The following PACS1 variants were observed in gnomAD, a reference collection of about 807,000 sequenced individuals.
PACS1 encodes the protein phosphofurin acidic cluster sorting protein 1, also known as PACS-1.
A neutral mutation model predicts 115.0 loss-of-function variants in PACS1; 24 were observed. The observed-to-expected ratio is 0.21, with a 90% CI of 0.15 to 0.29. The LOEUF (loss-of-function observed/expected upper bound fraction) is 0.29. PACS1 is among the 10% of genes least tolerant of loss of function. The pLI, the probability that PACS1 is intolerant of heterozygous loss-of-function variation, is 1.00. For missense variants in PACS1, 838 were observed against 1,251.2 expected (o/e 0.67, Z 4.98); for synonymous variants, 453 against 504.5 (o/e 0.90, Z 1.37).
chr11:66,118,959 A>G (rs1590756848), intron 1 of PACS1, among the ~76,000 whole-genome samples: 1 of 152,290 alleles, frequency 6.6e-6, no homozygotes, highest in African/African-American at 2.4e-5. Context: ...ATCAACCACA[A>G]CATGTTATAG....
At chr11:66,184,822 C>T (rs1203489574) in intron 1 of PACS1, among the ~76,000 whole-genome samples, 1 of 152,140 alleles carries the variant, frequency 6.6e-6, no homozygotes, top group African/African-American at 2.4e-5. Context: ...TTTTTCAGCT[C>T]CTAGCACAGA....
rs779975063 is a variant in PACS1 at position 66,234,264 on chromosome 11, C to G, written c.2104+22C>G. ...TCAGGTAATGGCCCCGTGTAAGGAG[C>G]TTACTCCCACCCCCGGGGTCCACAG... On this transcript the variant is annotated intron_variant, in intron 17 of 23. Transcript: ENST00000320580. The G allele has an allele frequency of 5.2e-6, 8 of 1,531,718 alleles. No individual in the cohort carries two copies. The African/African-American group carries it at 6.8e-5, about 13-fold the overall frequency. The allele number at this position is 1,531,718 out of a possible 1,614,324, so 94.9% of individuals were successfully genotyped here.
intron 13 of PACS1, chr11:66,231,888 C>T (rs1370788998): frequency 6.1e-6 from 2 of 327,864 alleles, no homozygotes; most frequent in Non-Finnish European, 1.1e-5. Flanking sequence ...TTCCCATCCG[C>T]GAGGCTTGCT....
intron 1 of PACS1, among the ~76,000 whole-genome samples, chr11:66,086,070 A>G (rs7115081): frequency 0.21 from 31,654 of 151,884 alleles, 3,411 homozygotes; most frequent in Middle Eastern, 0.3. Context: ...TCCCTTATTT[A>G]CATAGTGGTT....
chr11:66,224,008 G>A (rs1470517733), intron 10 of PACS1, among the ~76,000 whole-genome samples: 2 of 152,046 alleles, frequency 1.3e-5, no homozygotes, highest in Non-Finnish European at 2.9e-5. Context: ...GACCAGCCTG[G>A]CCAACATGGC....
intron 1 of PACS1, among the ~76,000 whole-genome samples, chr11:66,178,465 A>T (rs963791506): frequency 6.6e-6 from 1 of 152,228 alleles, no homozygotes; most frequent in Non-Finnish European, 1.5e-5. Flanking sequence ...CATTCACAGT[A>T]TTAAGCAGTT....
At position 66,230,351 on chromosome 11, in the gene PACS1, G is replaced by A. The variant is rs1202558324; in HGVS notation, c.1375-197G>A. On this transcript the variant is annotated intron_variant, in intron 11 of 23. Coordinates refer to ENST00000320580, the MANE Select transcript of PACS1 (RefSeq NM_018026.4). ...GGATTGCAGCATATGGTGCCCACAC[G>A]GGGTGTACTCAGTCACCCGTGAACA... 5.3e-5 allele frequency: 31 copies of A among 583,540 alleles called. No individual in the cohort carries two copies. The East Asian group carries it at 6.3e-4, about 12-fold the overall frequency. 36.1% of individuals were successfully genotyped at this position (583,540 alleles called of 1,614,324 possible).
chr11:66,235,419 AG>A lies in PACS1; in HGVS notation c.2207+20del. 1 of 1,584,162 alleles carries A rather than the reference AG, an allele frequency of 6.3e-7. No individual in the cohort carries two copies. The highest frequency in any genetic ancestry group is 8.7e-7 in the Non-Finnish European group (1 of 1,153,194). On this transcript the variant is annotated intron_variant, in intron 18 of 23. Transcript: ENST00000320580. The surrounding 1 kb of genome is among the most constrained non-coding windows in gnomAD (Gnocchi z 5.6). ...GGCATAAGTTGTAAGTTTGACTTTG[AG>A]GGGTTTCTTAAAAATAGGTTGGGTG...
At position 66,070,665 on chromosome 11, in the gene PACS1, C is replaced by A. The variant is rs776033244; in HGVS notation, c.179C>A (p.Thr60Asn). The A allele has an allele frequency of 6.4e-7, 1 of 1,570,892 alleles. No individual in the cohort carries two copies. The highest frequency in any genetic ancestry group is 2.4e-5 in the East Asian group (1 of 41,636). ...CAGGCCACCTCGTCGTCCTCGTCCA[C>A]CTCGGCGGCGGCTGCCTCCTCCTCG... ...LAQATSSSSS[T>N]SAAAASSSSS... Residue 60 changes from threonine to asparagine, a missense_variant, in exon 1 of 24, where the codon ACC (threonine) becomes AAC (asparagine). By Grantham distance (65) the Thr-to-Asn change is moderately conservative. Around this residue, in one of 6 missense-constraint regions of PACS1, gnomAD observed 129 missense variants for 109.4 expected, o/e 1.18. Transcript: ENST00000320580. This position sits in a 1 kb window ranked among gnomAD's most constrained non-coding sequence, Gnocchi z 5.9.
chr11:66,180,327 G>T (rs1590801109), intron 1 of PACS1, among the ~76,000 whole-genome samples: 1 of 151,714 alleles, frequency 6.6e-6, no homozygotes, highest in Non-Finnish European at 1.5e-5. Flanking sequence ...TACAAATAAG[G>T]ATTGTATTGT....
chr11:66,144,799 A>G (rs1859083209), intron 1 of PACS1, among the ~76,000 whole-genome samples: 1 of 151,934 alleles, frequency 6.6e-6, no homozygotes, highest in Non-Finnish European at 1.5e-5. Flanking sequence ...ACGCCCAGCT[A>G]ATTTTTTGTA....
chr11:66,092,871 C>T (rs1857692976), intron 1 of PACS1, among the ~76,000 whole-genome samples: 1 of 152,088 alleles, frequency 6.6e-6, no homozygotes, highest in African/African-American at 2.4e-5. Flanking sequence ...TGTTCTGTTC[C>T]ATTGATCTAT....
At position 66,221,226 on chromosome 11, in the gene PACS1, C is replaced by T. The variant is rs767941774; in HGVS notation, c.1272C>T (p.Leu424=). The part of the protein sequence containing the change: ...EIGSLNSKGS[L]GKDTTSPMEL... ...GCAGCCTCAACAGCAAAGGCAGCCT[C>T]GGAAAAGACACCACCAGCCCTGTGA... Residue 424 remains leucine, a synonymous_variant, in exon 10 of 24, where the codon CTC becomes CTT. Transcript: ENST00000320580. The T allele has an allele frequency of 3.7e-6, 6 of 1,614,088 alleles. No individual in the cohort carries two copies. Among genetic ancestry groups the T allele is most frequent in the Admixed American group, 3.3e-5 (2 of 60,014 alleles).
rs185829142 is a variant in PACS1 at position 66,174,096 on chromosome 11, G to T, written c.357-19390G>T. The stretch of plus-strand genomic sequence containing the variant: ...TTTGAATAGAGATTTTACCAAAGAA[G>T]ATATGCCAAATAAACACTTGAAATG... On this transcript the variant is annotated intron_variant, in intron 1 of 23. Coordinates refer to ENST00000320580, the MANE Select transcript of PACS1 (RefSeq NM_018026.4). Among the ~76,000 whole-genome samples, 61 of 150,492 alleles carry T rather than the reference G, an allele frequency of 4.1e-4. 1 individual carries two copies. Among genetic ancestry groups the T allele is most frequent in the Admixed American group, 7.9e-4 (12 of 15,106 alleles).
Position 66,161,021 on chromosome 11 carries a change from T to C in PACS1, c.357-32465T>C, listed in dbSNP as rs188136376. 5.3e-5 allele frequency among the ~76,000 whole-genome samples: 8 copies of C among 152,296 alleles called. No homozygotes were observed. In the East Asian group the frequency reaches 1.5e-3, roughly 29 times the overall value. On this transcript the variant is annotated intron_variant, in intron 1 of 23. Coordinates refer to ENST00000320580, the MANE Select transcript of PACS1 (RefSeq NM_018026.4). ...TCTCAGTTTCCTCATCTGTAAGATGTGGCTAATAGTACCCCTCACTTAGTG... is the reference window on the plus strand; with the variant it reads ...TCTCAGTTTCCTCATCTGTAAGATGCGGCTAATAGTACCCCTCACTTAGTG...
At chr11:66,092,160 T>C (rs1565102915) in intron 1 of PACS1, among the ~76,000 whole-genome samples, 1 of 152,108 alleles carries the variant, frequency 6.6e-6, no homozygotes, top group South Asian at 2.1e-4. Context: ...TGTTCCTATT[T>C]CTCCACATCC....
chr11:66,243,317 C>A lies in PACS1; in HGVS notation c.*37C>A. The A allele has an allele frequency of 7.1e-7, 1 of 1,406,808 alleles. No individual in the cohort carries two copies. The highest frequency in any genetic ancestry group is 9.8e-7 in the Non-Finnish European group (1 of 1,019,136). 87.1% of individuals were successfully genotyped at this position (1,406,808 alleles called of 1,614,324 possible). A position where few individuals can be genotyped will look rare whatever the true frequency, so the allele number is the denominator to read the frequency against. On this transcript the variant is annotated 3_prime_UTR_variant, in exon 24 of 24. Transcript: ENST00000320580. Reference sequence around the variant, plus strand: ...CCAGCCACTTTCCCTCCTGGCACTGCCACCAGCCTCACCGCCTGCGGGCAG... The same window carrying A: ...CCAGCCACTTTCCCTCCTGGCACTGACACCAGCCTCACCGCCTGCGGGCAG...
intron 10 of PACS1, among the ~76,000 whole-genome samples, chr11:66,226,219 G>A (rs1055788628): frequency 5.9e-5 from 9 of 152,136 alleles, no homozygotes; most frequent in African/African-American, 1.7e-4. Context: ...TAGAGAAGGT[G>A]TAAATGAGCT....
At chr11:66,122,067 G>A (rs1858456718) in intron 1 of PACS1, among the ~76,000 whole-genome samples, 1 of 152,182 alleles carries the variant, frequency 6.6e-6, no homozygotes, top group African/African-American at 2.4e-5. Flanking sequence ...TCAGAGGACA[G>A]GCTGACTCTC....
Sources: allele counts gnomAD v4.1 joint callset (sites outside exome capture counted in the v4.1 genomes callset), GRCh38; gene constraint gnomAD v4.1.1; regional missense constraint gnomAD v4.1.1; non-coding constraint Gnocchi (gnomAD v3.1); transcripts MANE v1.5; gene names NCBI Gene and HGNC (gene_info 2026-07-23, HGNC 2026-07-21).